The following DPP10 variants were observed in gnomAD, a reference collection of about 807,000 sequenced individuals.
The protein encoded by DPP10 is dipeptidyl peptidase like 10, also known as inactive dipeptidyl peptidase 10.
In DPP10, 33 loss-of-function variants were observed where a neutral mutation model predicts 120.9. The observed-to-expected ratio is 0.27, with a 90% CI of 0.21 to 0.37. The LOEUF (loss-of-function observed/expected upper bound fraction) is 0.37, where lower values mean the gene tolerates loss of function less well. Ranked by LOEUF, DPP10 falls within the 10% of genes least tolerant of loss-of-function variation. The probability of loss-of-function intolerance (pLI) is 1.00; values close to 1 mark genes in which losing one functional copy is unlikely to be tolerated. For synonymous variants in DPP10, 337 were observed against 326.1 expected (o/e 1.03, Z -0.36); for missense variants, 816 against 942.8 (o/e 0.87, Z 1.76).
intron 1 of DPP10, among the ~76,000 whole-genome samples, chr2:115,218,965 C>A (rs2056984330): frequency 1.3e-5 from 2 of 152,014 alleles, no homozygotes; most frequent in Admixed American, 1.3e-4. Flanking sequence ...TGCATAAATA[C>A]CCATCCTCAT....
intron 1 of DPP10, among the ~76,000 whole-genome samples, chr2:114,789,951 T>A (rs1683101359): frequency 6.6e-6 from 1 of 152,258 alleles, no homozygotes; most frequent in Non-Finnish European, 1.5e-5. Context: ...CTTACAATGA[T>A]GTTTAGCACA....
At chr2:114,503,881 A>AT (rs1314468239) in intron 1 of DPP10, among the ~76,000 whole-genome samples, 2 of 152,162 alleles carry the variant, frequency 1.3e-5, no homozygotes, top group African/African-American at 4.8e-5. Flanking sequence ...ATCAGTTTCT[A>AT]TTTTCACATA....
intron 1 of DPP10, among the ~76,000 whole-genome samples, chr2:115,250,420 G>A (rs892890242): frequency 1.1e-4 from 16 of 151,994 alleles, no homozygotes; most frequent in African/African-American, 3.1e-4. Context: ...GGGACATATC[G>A]AACCATGTGT....
At chr2:115,291,510 T>G (rs1309651811) in intron 1 of DPP10, among the ~76,000 whole-genome samples, 1 of 152,182 alleles carries the variant, frequency 6.6e-6, no homozygotes, top group African/African-American at 2.4e-5. Flanking sequence ...AAATATTGAA[T>G]GAAGCACAGT....
intron 1 of DPP10, among the ~76,000 whole-genome samples, chr2:114,556,123 A>C (rs1268773090): frequency 2.0e-5 from 3 of 151,578 alleles, no homozygotes. Context: ...ACTTAGGGAC[A>C]AGAAGGGCAG....
intron 4 of DPP10, among the ~76,000 whole-genome samples, chr2:115,502,953 G>T (rs1351060921): frequency 1.3e-5 from 2 of 151,880 alleles, no homozygotes; most frequent in South Asian, 2.1e-4. Context: ...TCCTCCTCTG[G>T]TGGCCTCACA....
intron 1 of DPP10, among the ~76,000 whole-genome samples, chr2:114,601,507 T>C (rs1692364994): frequency 6.6e-6 from 1 of 151,902 alleles, no homozygotes; most frequent in Non-Finnish European, 1.5e-5. Flanking sequence ...GGAGGTCTTA[T>C]AAGTATATGG....
chr2:115,343,472 G>A (rs2063549498), intron 2 of DPP10, among the ~76,000 whole-genome samples: 1 of 151,992 alleles, frequency 6.6e-6, no homozygotes, highest in African/African-American at 2.4e-5. Flanking sequence ...CATAAGTTTG[G>A]AAAATAAGGG....
At chr2:115,788,783 T>C (rs566509600) in intron 17 of DPP10, among the ~76,000 whole-genome samples, 1 of 152,302 alleles carries the variant, frequency 6.6e-6, no homozygotes, top group Non-Finnish European at 1.5e-5. Flanking sequence ...TTATGCAACT[T>C]TTAATAAGTT....
At chr2:115,569,533 GT>G (rs1379594253) in intron 5 of DPP10, among the ~76,000 whole-genome samples, 1 of 152,216 alleles carries the variant, frequency 6.6e-6, no homozygotes, top group African/African-American at 2.4e-5. Flanking sequence ...ATAAAAGAGT[GT>G]GCTGGTTTAT....
intron 1 of DPP10, among the ~76,000 whole-genome samples, chr2:115,289,763 C>T (rs1009057145): frequency 6.6e-6 from 1 of 152,036 alleles, no homozygotes; most frequent in Non-Finnish European, 1.5e-5. Context: ...ACACCCTATT[C>T]AATACTTGGT....
chr2:115,579,677 A>G (rs2081903181), intron 5 of DPP10: 1 of 152,250 alleles, frequency 6.6e-6, no homozygotes, highest in Admixed American at 6.5e-5. Flanking sequence ...TAAGAGTAGT[A>G]TAAAAGACCT....
chr2:115,086,930 G>A (rs1708756740), intron 1 of DPP10, among the ~76,000 whole-genome samples: 3 of 152,082 alleles, frequency 2.0e-5, no homozygotes, highest in Admixed American at 1.3e-4. Flanking sequence ...ATTTTACAGG[G>A]CTTGACTATT....
At chr2:115,629,084 C>A (rs977779914) in intron 5 of DPP10, among the ~76,000 whole-genome samples, 1 of 151,964 alleles carries the variant, frequency 6.6e-6, no homozygotes, top group African/African-American at 2.4e-5. Context: ...TCTGTACTTG[C>A]GATAGTTTGC....
intron 1 of DPP10, among the ~76,000 whole-genome samples, chr2:114,575,805 C>A (rs1234300166): frequency 6.6e-6 from 1 of 152,120 alleles, no homozygotes; most frequent in Non-Finnish European, 1.5e-5. Context: ...TCAGAAATCA[C>A]CCTCATTGGG....
chr2:115,460,257 C>T (rs897145721), intron 3 of DPP10, among the ~76,000 whole-genome samples: 5 of 152,074 alleles, frequency 3.3e-5, no homozygotes, highest in Admixed American at 2.6e-4. Context: ...GAATGGCTTA[C>T]ATTTTTCATA....
At chr2:115,432,606 G>C (rs181451756) in intron 3 of DPP10, among the ~76,000 whole-genome samples, 47 of 150,812 alleles carry the variant, frequency 3.1e-4, no homozygotes, top group Non-Finnish European at 5.8e-4. Flanking sequence ...TTGTTAACCT[G>C]AAATATTTTG....
chr2:114,844,168 A>G (rs1423295202), intron 1 of DPP10, among the ~76,000 whole-genome samples: 1 of 152,074 alleles, frequency 6.6e-6, no homozygotes, highest in African/African-American at 2.4e-5. Context: ...CCTGTAACAT[A>G]AAGCAAGCTG....
intron 1 of DPP10, among the ~76,000 whole-genome samples, chr2:114,980,971 T>G: frequency 6.6e-6 from 1 of 151,502 alleles, no homozygotes; most frequent in Non-Finnish European, 1.5e-5. Context: ...AAATGCAGTT[T>G]TATCGAAATA....
Sources: allele counts gnomAD v4.1 joint callset (sites outside exome capture counted in the v4.1 genomes callset), GRCh38; gene constraint gnomAD v4.1.1; transcripts MANE v1.5; gene names NCBI Gene and HGNC (gene_info 2026-07-23, HGNC 2026-07-21).